The following LINGO2 variants were observed in gnomAD, a reference collection of about 807,000 sequenced individuals.
The protein encoded by LINGO2 is leucine-rich repeat and immunoglobulin-like domain-containing nogo receptor-interacting protein 2.
Under a neutral mutation model 30.6 loss-of-function variants are expected in LINGO2, and 14 were observed. The observed-to-expected ratio is 0.46, with a 90% CI of 0.30 to 0.72. LINGO2 has a LOEUF of 0.72. LINGO2 is among the 30% of genes least tolerant of loss of function. LINGO2 has a pLI of 0.07. For missense variants in LINGO2, 729 were observed against 751.7 expected (o/e 0.97, Z 0.35); for synonymous variants, 317 against 288.5 (o/e 1.10, Z -1.00).
the LINGO2 span, among the ~76,000 whole-genome samples, chr9:28,824,576 C>A: frequency 2.6e-5 from 4 of 152,008 alleles, no homozygotes; most frequent in Admixed American, 6.6e-5. Context: ...GTAGTGGTTG[C>A]CTGGAGTAAT....
intron 3 of LINGO2, among the ~76,000 whole-genome samples, chr9:28,323,761 C>A (rs1825130168): frequency 6.6e-6 from 1 of 152,092 alleles, no homozygotes; most frequent in Non-Finnish European, 1.5e-5. Context: ...ATTACCATCA[C>A]CTGCTTTAAA....
At chr9:28,219,696 ATAGT>A (rs1820891455) in intron 4 of LINGO2, among the ~76,000 whole-genome samples, 3 of 152,308 alleles carry the variant, frequency 2.0e-5, no homozygotes, top group African/African-American at 2.4e-5. Flanking sequence ...TATACCCTTC[ATAGT>A]TAGTTATGCA....
intron 4 of LINGO2, among the ~76,000 whole-genome samples, chr9:28,191,336 G>A (rs1157146229): frequency 6.6e-6 from 1 of 152,142 alleles, no homozygotes; most frequent in Non-Finnish European, 1.5e-5. Context: ...ATAGTTCATA[G>A]AGGTAAAGTA....
At chr9:28,790,614 G>A in the LINGO2 span, among the ~76,000 whole-genome samples, 2 of 151,814 alleles carry the variant, frequency 1.3e-5, no homozygotes, top group African/African-American at 4.8e-5. Context: ...GATTACAGGC[G>A]TGAGCCACCA....
chr9:28,769,512 ATATATATTTTTTTTTTTTT>A, the LINGO2 span, among the ~76,000 whole-genome samples: 43 of 2,248 alleles, frequency 0.019, 8 homozygotes, highest in African/African-American at 0.038. Context: ...ATATATATAT[ATATATATTTTTTTTTTTTT>A]TTTTTTTTTT....
At chr9:28,414,348 T>C (rs1038461435) in intron 2 of LINGO2, among the ~76,000 whole-genome samples, 2 of 152,042 alleles carry the variant, frequency 1.3e-5, no homozygotes, top group Non-Finnish European at 2.9e-5. Flanking sequence ...AGAAAGTACA[T>C]ATATGTAAAT....
the LINGO2 span, among the ~76,000 whole-genome samples, chr9:28,958,322 G>C: frequency 1.3e-5 from 2 of 152,242 alleles, no homozygotes; most frequent in Non-Finnish European, 1.5e-5. Context: ...ACCCTGTAAT[G>C]ATGAATCAAA....
At chr9:28,301,312 G>A (rs1824132670) in intron 3 of LINGO2, among the ~76,000 whole-genome samples, 1 of 150,600 alleles carries the variant, frequency 6.6e-6, no homozygotes, top group Non-Finnish European at 1.5e-5. Flanking sequence ...CTGCTCTCTA[G>A]ATATAGTATA....
the LINGO2 span, among the ~76,000 whole-genome samples, chr9:29,193,729 T>G: frequency 1.3e-5 from 2 of 152,170 alleles, no homozygotes; most frequent in Non-Finnish European, 2.9e-5. Flanking sequence ...CTGTGTTGTT[T>G]CTGGTCTCTC....
At chr9:28,700,341 T>G in the LINGO2 span, among the ~76,000 whole-genome samples, 3 of 152,072 alleles carry the variant, frequency 2.0e-5, no homozygotes, top group Admixed American at 1.3e-4. Context: ...TATTTTTACT[T>G]TTTCCATACT....
intron 4 of LINGO2, among the ~76,000 whole-genome samples, chr9:28,153,305 T>G (rs1474762499): frequency 2.0e-5 from 3 of 152,204 alleles, no homozygotes; most frequent in Admixed American, 1.3e-4. Flanking sequence ...TATTGGAAAT[T>G]GCCTGAATCC....
chr9:28,772,144 C>T, the LINGO2 span, among the ~76,000 whole-genome samples: 5 of 152,014 alleles, frequency 3.3e-5, no homozygotes, highest in Admixed American at 6.6e-5. Context: ...ATATGGAATC[C>T]CTGTAGCGCA....
chr9:28,404,674 A>G (rs866144812), intron 2 of LINGO2, among the ~76,000 whole-genome samples: 22 of 152,278 alleles, frequency 1.4e-4, no homozygotes, highest in African/African-American at 5.3e-4. Context: ...ATTTCTTTTG[A>G]AATATTCCAG....
chr9:28,745,163 C>A, the LINGO2 span, among the ~76,000 whole-genome samples: 1 of 152,004 alleles, frequency 6.6e-6, no homozygotes, highest in Non-Finnish European at 1.5e-5. Context: ...ACACGGTCTT[C>A]CAGACCACCA....
the LINGO2 span, among the ~76,000 whole-genome samples, chr9:29,151,797 T>C: frequency 2.0e-5 from 3 of 152,132 alleles, no homozygotes; most frequent in African/African-American, 7.2e-5. Flanking sequence ...ACAGTAATAG[T>C]GGGAAACTTC....
At chr9:28,849,456 A>C in the LINGO2 span, among the ~76,000 whole-genome samples, 1 of 152,166 alleles carries the variant, frequency 6.6e-6, no homozygotes, top group Middle Eastern at 3.4e-3. Context: ...TGGATGAAGA[A>C]GACTTTCTGT....
At chr9:28,682,536 G>C in the LINGO2 span, among the ~76,000 whole-genome samples, 1 of 151,964 alleles carries the variant, frequency 6.6e-6, no homozygotes, top group East Asian at 1.9e-4. Context: ...ACTTTCCTAA[G>C]ACTTTTTTAT....
intron 3 of LINGO2, among the ~76,000 whole-genome samples, chr9:28,307,216 A>G (rs1824404208): frequency 6.6e-6 from 1 of 152,206 alleles, no homozygotes; most frequent in Non-Finnish European, 1.5e-5. Flanking sequence ...CAACACATCA[A>G]AAAGCTTATC....
the LINGO2 span, among the ~76,000 whole-genome samples, chr9:28,859,007 G>T: frequency 6.6e-6 from 1 of 151,918 alleles, no homozygotes; most frequent in African/African-American, 2.4e-5. Flanking sequence ...TTAGAAGTTA[G>T]GGCACTTTCA....
Sources: allele counts gnomAD v4.1 joint callset (sites outside exome capture counted in the v4.1 genomes callset), GRCh38; gene constraint gnomAD v4.1.1; transcripts MANE v1.5; gene names NCBI Gene and HGNC (gene_info 2026-07-23, HGNC 2026-07-21).